Variants in RNF121 observed in about 807,000 individuals in gnomAD.
The protein encoded by RNF121 is ring finger protein 121.
A neutral mutation model predicts 46.5 loss-of-function variants in RNF121; 21 were observed. The observed-to-expected ratio is 0.45, with a 90% CI of 0.32 to 0.65. The LOEUF (loss-of-function observed/expected upper bound fraction) is 0.65. Ranked by LOEUF, RNF121 falls within the 30% of genes least tolerant of loss-of-function variation. RNF121 has a pLI of 0.04. For synonymous variants in RNF121, 139 were observed against 144.7 expected (o/e 0.96, Z 0.28); for missense variants, 346 against 416.0 (o/e 0.83, Z 1.46).
At chr11:71,982,335 CAAAAAA>C (rs10635678) in intron 3 of RNF121, among the ~76,000 whole-genome samples, 135 of 79,112 alleles carry the variant, frequency 1.7e-3, no homozygotes, top group Middle Eastern at 0.019. Context: ...GACTCCATCT[CAAAAAA>C]AAAAAAAAAA....
intron 6 of RNF121, among the ~76,000 whole-genome samples, chr11:71,992,511 C>CA (rs1385768217): frequency 2.6e-5 from 4 of 152,180 alleles, no homozygotes; most frequent in East Asian, 3.8e-4. Flanking sequence ...TTGTTTCTAT[C>CA]AATTAGCCTG....
chr11:71,949,819 A>C (rs1013581572), intron 1 of RNF121, among the ~76,000 whole-genome samples: 6 of 150,952 alleles, frequency 4.0e-5, no homozygotes, highest in Admixed American at 2.6e-4. Context: ...AGATGGTGAA[A>C]CCCTGTCTCT....
chr11:71,929,257 G>T, intron 1 of RNF121, 133 bp downstream of exon 1: 1 of 1,408,642 alleles, frequency 7.1e-7, no homozygotes, highest in Non-Finnish European at 9.4e-7. Flanking sequence ...GGGGGCGGGT[G>T]CGTGGAGAGC....
intron 6 of RNF121, among the ~76,000 whole-genome samples, chr11:71,991,969 C>A (rs779522244): frequency 0.01 from 1,502 of 150,048 alleles, 12 homozygotes; most frequent in Non-Finnish European, 0.016. Context: ...AAAAAAAAAA[C>A]CTAGCCGGGC....
At chr11:71,944,457 G>T (rs1267613708) in intron 1 of RNF121, among the ~76,000 whole-genome samples, 3 of 152,202 alleles carry the variant, frequency 2.0e-5, no homozygotes, top group Non-Finnish European at 4.4e-5. Flanking sequence ...CAGGCAAGTA[G>T]GGCTTCCAAA....
At chr11:71,992,650 GAAGGGAAAAATACA>G (rs1181498206) in intron 6 of RNF121, among the ~76,000 whole-genome samples, 5 of 152,214 alleles carry the variant, frequency 3.3e-5, no homozygotes, top group African/African-American at 9.6e-5. Flanking sequence ...TCTGAAGACT[GAAGGGAAAAATACA>G]AAGGAAATAT....
chr11:71,993,841 C>CTT (rs531353613), intron 6 of RNF121, among the ~76,000 whole-genome samples: 23 of 136,106 alleles, frequency 1.7e-4, no homozygotes, highest in African/African-American at 2.1e-4. Flanking sequence ...GACACTTCCT[C>CTT]TTTTTTTTTT....
intron 2 of RNF121, among the ~76,000 whole-genome samples, chr11:71,957,889 G>A (rs1954029480): frequency 6.6e-6 from 1 of 152,164 alleles, no homozygotes; most frequent in Non-Finnish European, 1.5e-5. Flanking sequence ...ACTGACCAAT[G>A]AGGTGATATC....
intron 4 of RNF121, among the ~76,000 whole-genome samples, chr11:71,986,633 G>C (rs1954776225): frequency 6.6e-6 from 1 of 152,002 alleles, no homozygotes; most frequent in Non-Finnish European, 1.5e-5. Context: ...GCCGGGTGTG[G>C]TGGTGGGCAC....
rs769672896 is a variant in RNF121, at chr11:71,994,840, C to G, written c.749C>G (p.Ser250Cys). ...EGIIENTYRL[S>C]CNHVFHEFCI... is the part of the protein sequence containing the mutation. ...ATCATTGAGAACACGTATAGGCTGTCCTGCAATCATGTGTATCCTGCCTCG... is the reference window on the plus strand; with the variant it reads ...ATCATTGAGAACACGTATAGGCTGTGCTGCAATCATGTGTATCCTGCCTCG... The change falls in exon 7 of 9, where the codon TCC becomes TGC. Residue 250 changes from serine (S) to cysteine (C), a missense_variant. Ser to Cys is a moderately radical substitution (Grantham distance 112). Transcript: ENST00000361756. 2.5e-6 allele frequency: 4 copies of G among 1,614,188 alleles called. No individual in the cohort carries two copies. In the East Asian group the frequency reaches 8.9e-5, roughly 36 times the overall value.
intron 5 of RNF121, among the ~76,000 whole-genome samples, chr11:71,989,014 G>A (rs1381347088): frequency 6.6e-6 from 1 of 152,054 alleles, no homozygotes; most frequent in Admixed American, 6.6e-5. Flanking sequence ...AACCTGTATG[G>A]TTAAAAAATA....
At chr11:71,977,590 C>T (rs1270099548) in intron 3 of RNF121, among the ~76,000 whole-genome samples, 2 of 152,162 alleles carry the variant, frequency 1.3e-5, no homozygotes, top group Admixed American at 6.5e-5. Context: ...GTTTGCTGAA[C>T]GAATCCATGA....
chr11:71,941,585 AGTAAT>A (rs1953570099), intron 1 of RNF121, among the ~76,000 whole-genome samples: 1 of 152,234 alleles, frequency 6.6e-6, no homozygotes, highest in South Asian at 2.1e-4. Flanking sequence ...CTTTGAGAAA[AGTAAT>A]GTAATGTGAT....
chr11:71,945,472 C>G (rs923908114), intron 1 of RNF121, among the ~76,000 whole-genome samples: 1 of 152,184 alleles, frequency 6.6e-6, no homozygotes, highest in African/African-American at 2.4e-5. Context: ...GAGAGAATTA[C>G]TCAGTGTCTG....
intron 3 of RNF121, among the ~76,000 whole-genome samples, chr11:71,966,743 C>G (rs938987465): frequency 6.6e-6 from 1 of 152,074 alleles, no homozygotes; most frequent in African/African-American, 2.4e-5. Context: ...CTTGCCTTAG[C>G]TTCCCAAAGT....
intron 1 of RNF121, among the ~76,000 whole-genome samples, chr11:71,936,871 T>G (rs1196608068): frequency 2.1e-4 from 32 of 152,356 alleles, no homozygotes; most frequent in Admixed American, 5.2e-4. Flanking sequence ...CATTCCTCAG[T>G]GCCTTGCTCA....
intron 3 of RNF121, among the ~76,000 whole-genome samples, chr11:71,972,219 G>A (rs1272418720): frequency 1.3e-5 from 2 of 152,144 alleles, no homozygotes; most frequent in East Asian, 1.9e-4. Context: ...AAATATACAT[G>A]TGAAGCACAT....
chr11:71,975,411 A>G (rs1954507962), intron 3 of RNF121, among the ~76,000 whole-genome samples: 1 of 152,208 alleles, frequency 6.6e-6, no homozygotes. Flanking sequence ...TCATCCTGGA[A>G]CACCCATCAT....
At chr11:71,930,305 G>C (rs1469985404) in intron 1 of RNF121, among the ~76,000 whole-genome samples, 1 of 152,184 alleles carries the variant, frequency 6.6e-6, no homozygotes, top group Non-Finnish European at 1.5e-5. Flanking sequence ...GCCCCTTGCT[G>C]TGTGTTGGGT....
Sources: gnomAD v4.1 joint callset for allele counts (sites outside exome capture counted in the v4.1 genomes callset) on GRCh38, gnomAD v4.1.1 for gene constraint, MANE v1.5 for transcripts, NCBI Gene and HGNC (gene_info 2026-07-23, HGNC 2026-07-21) for gene names.